Variants in UBAP1 observed in about 807,000 individuals in gnomAD.
UBAP1 encodes the protein ubiquitin associated protein 1, also known as ubiquitin-associated protein 1.
A neutral mutation model predicts 39.0 loss-of-function variants in UBAP1; 5 were observed. The ratio of observed to expected loss-of-function variants is 0.13; its 90% confidence interval spans 0.07 to 0.27. The LOEUF (loss-of-function observed/expected upper bound fraction) is 0.27. UBAP1 is among the 10% of genes least tolerant of loss of function. UBAP1 has a pLI of 1.00. For synonymous variants in UBAP1, 211 were observed against 225.1 expected, an observed-to-expected ratio of 0.94 and a Z score of 0.56; for missense variants, 490 against 608.1, an observed-to-expected ratio of 0.81 and a Z score of 2.04.
At position 34,249,760 on chromosome 9, in the gene UBAP1, C is replaced by A; in HGVS notation, c.1084-19C>A. ...GGGGCCCAGGTCTTCTTGCCTTAATCTTCTTGTTTTTCCACTAGGTCACCC... is the reference window on the plus strand; with the variant it reads ...GGGGCCCAGGTCTTCTTGCCTTAATATTCTTGTTTTTCCACTAGGTCACCC... On this transcript the variant is annotated intron_variant, in intron 4 of 6. Coordinates refer to ENST00000297661, the MANE Select transcript of UBAP1 (RefSeq NM_016525.5). The A allele has an allele frequency of 1.2e-6, 2 of 1,611,384 alleles. No homozygotes were observed. The highest frequency in any genetic ancestry group is 2.2e-5 in the South Asian group (2 of 90,768).
intron 1 of UBAP1, among the ~76,000 whole-genome samples, chr9:34,197,443 A>G (rs905243202): frequency 6.6e-6 from 1 of 152,130 alleles, no homozygotes; most frequent in African/African-American, 2.4e-5. Context: ...CACCTGGCCA[A>G]GAGGATTATT....
intron 3 of UBAP1, among the ~76,000 whole-genome samples, chr9:34,235,126 A>C (rs781413718): frequency 3.3e-5 from 5 of 152,186 alleles, no homozygotes; most frequent in Non-Finnish European, 7.3e-5. Flanking sequence ...AAAAGCTTAT[A>C]GAATAAGAGT....
intron 1 of UBAP1, among the ~76,000 whole-genome samples, chr9:34,195,487 A>G (rs535685648): frequency 3.3e-4 from 50 of 152,204 alleles, no homozygotes; most frequent in African/African-American, 9.1e-4. Flanking sequence ...CTGTTTGTCT[A>G]TCTTTATGCC....
chr9:34,197,261 T>G (rs1831122312), intron 1 of UBAP1, among the ~76,000 whole-genome samples: 1 of 151,970 alleles, frequency 6.6e-6, no homozygotes, highest in Non-Finnish European at 1.5e-5. Flanking sequence ...ACGGACCTTC[T>G]TTAATAGGAT....
At chr9:34,250,480 A>G (rs552932106) in intron 5 of UBAP1, among the ~76,000 whole-genome samples, 178 bp from the exon 6 acceptor site, 1 of 152,296 alleles carries the variant, frequency 6.6e-6, no homozygotes, top group South Asian at 2.1e-4. Flanking sequence ...GTGTTCATTA[A>G]AGAGTCACTG....
intron 1 of UBAP1, among the ~76,000 whole-genome samples, chr9:34,202,624 C>CCTGTGTGTGTGTGTGT (rs1491103579): frequency 0.021 from 2,245 of 107,228 alleles, 289 homozygotes; most frequent in East Asian, 0.04. Context: ...TAGACAGAAA[C>CCTGTGTGTGTGTGTGT]GTGTGTGTGT....
chr9:34,243,732 C>T (rs1834078159), intron 4 of UBAP1, among the ~76,000 whole-genome samples: 1 of 152,044 alleles, frequency 6.6e-6, no homozygotes, highest in Admixed American at 6.5e-5. Context: ...TCAAGTGATC[C>T]ACCCGCCTCA....
At chr9:34,226,456 T>A (rs1306185297) in intron 2 of UBAP1, among the ~76,000 whole-genome samples, 1 of 152,128 alleles carries the variant, frequency 6.6e-6, no homozygotes, top group African/African-American at 2.4e-5. Context: ...AGGCTGGTTT[T>A]GAACTCTTGA....
chr9:34,250,621 C>A, intron 5 of UBAP1, 37 bp from the exon 6 acceptor site: 1 of 1,543,034 alleles, frequency 6.5e-7, no homozygotes, highest in Non-Finnish European at 8.9e-7. Context: ...CAGCAAAGAG[C>A]AGCAGTAGGT....
chr9:34,232,266 A>G (rs865853333), intron 2 of UBAP1, among the ~76,000 whole-genome samples: 13 of 152,128 alleles, frequency 8.5e-5, no homozygotes, highest in African/African-American at 3.1e-4. Flanking sequence ...AAGGGGTGAG[A>G]CTACAGGCAT....
intron 1 of UBAP1, among the ~76,000 whole-genome samples, chr9:34,212,540 G>A (rs1366555498): frequency 5.3e-5 from 8 of 151,720 alleles, no homozygotes; most frequent in Non-Finnish European, 7.4e-5. Flanking sequence ...CCATCACAAC[G>A]TTATCTTCTG....
At chr9:34,218,427 A>G (rs911750915) in intron 1 of UBAP1, among the ~76,000 whole-genome samples, 2 of 152,070 alleles carry the variant, frequency 1.3e-5, no homozygotes, top group African/African-American at 4.8e-5. Context: ...TACCTCAACA[A>G]CAGTTGCTTC....
intron 1 of UBAP1, among the ~76,000 whole-genome samples, chr9:34,201,861 G>A (rs1831391385): frequency 6.6e-6 from 1 of 152,132 alleles, no homozygotes; most frequent in African/African-American, 2.4e-5. Context: ...CTTCACTCAT[G>A]TCAGGGTTCC....
intron 1 of UBAP1, among the ~76,000 whole-genome samples, chr9:34,188,935 C>T (rs1000938816): frequency 3.3e-5 from 5 of 151,932 alleles, no homozygotes; most frequent in Non-Finnish European, 2.9e-5. Flanking sequence ...CCAGCCTGGC[C>T]GACAAGAGTG....
chr9:34,219,724 T>TC (rs1413319185), intron 1 of UBAP1, among the ~76,000 whole-genome samples: 29 of 22,336 alleles, frequency 1.3e-3, no homozygotes, highest in African/African-American at 5.1e-3. Context: ...TCCCTTCCCC[T>TC]CCCCTCCCCC....
chr9:34,181,410 C>A (rs1413374248), intron 1 of UBAP1, among the ~76,000 whole-genome samples: 1 of 150,468 alleles, frequency 6.6e-6, no homozygotes, highest in African/African-American at 2.4e-5. Context: ...GCCACCGCGC[C>A]CGGCCTTTTT....
chr9:34,219,460 G>A (rs1482943957), intron 1 of UBAP1, among the ~76,000 whole-genome samples: 1 of 152,048 alleles, frequency 6.6e-6, no homozygotes, highest in Non-Finnish European at 1.5e-5. Context: ...ATAACGTTCA[G>A]AAATACAAAT....
At chr9:34,216,108 A>G (rs1832297303) in intron 1 of UBAP1, among the ~76,000 whole-genome samples, 1 of 151,726 alleles carries the variant, frequency 6.6e-6, no homozygotes, top group African/African-American at 2.4e-5. Context: ...CTGATTTTCA[A>G]ACTTGGAAGT....
intron 1 of UBAP1, among the ~76,000 whole-genome samples, chr9:34,181,927 G>T (rs549713392): frequency 2.7e-5 from 4 of 149,630 alleles, no homozygotes; most frequent in African/African-American, 1.0e-4. Flanking sequence ...TAGATCTGTA[G>T]ACAAGTCTCA....
Sources: allele counts gnomAD v4.1 joint callset (sites outside exome capture counted in the v4.1 genomes callset), GRCh38; gene constraint gnomAD v4.1.1; transcripts MANE v1.5; gene names NCBI Gene and HGNC (gene_info 2026-07-23, HGNC 2026-07-21).